Variants in ROBO1 observed in about 807,000 individuals in gnomAD.
ROBO1 encodes roundabout guidance receptor 1.
In ROBO1, 149 loss-of-function variants were observed where a neutral mutation model predicts 195.9. The observed-to-expected ratio is 0.76, with a 90% confidence interval of 0.67 to 0.87. The LOEUF (loss-of-function observed/expected upper bound fraction) is 0.87, where lower values mean the gene tolerates loss of function less well. ROBO1 is among the 40% of genes least tolerant of loss of function. ROBO1 has a pLI of 0.00. For missense variants in ROBO1, 1,933 were observed against 2,068.3 expected (o/e 0.93, Z 1.27); for synonymous variants, 816 against 733.2 (o/e 1.11, Z -1.82).
intron 4 of ROBO1, among the ~76,000 whole-genome samples, chr3:78,781,513 G>A (rs1490013639): frequency 3.9e-5 from 6 of 152,090 alleles, no homozygotes; most frequent in Non-Finnish European, 5.9e-5. Context: ...GTGCTCAGGG[G>A]TTAAAATCAT....
At chr3:78,968,279 T>TC (rs1425338809) in intron 3 of ROBO1, among the ~76,000 whole-genome samples, 2 of 150,598 alleles carry the variant, frequency 1.3e-5, no homozygotes, top group Admixed American at 1.3e-4. Context: ...TTCTTTTTTT[T>TC]TTTTTTTTTT....
intron 2 of ROBO1, among the ~76,000 whole-genome samples, chr3:79,361,467 CT>C (rs2035767424): frequency 6.6e-6 from 1 of 151,900 alleles, no homozygotes; most frequent in South Asian, 2.1e-4. Context: ...CATTAAACAA[CT>C]TAATATTTTA....
chr3:78,860,992 T>C (rs1003063990), intron 4 of ROBO1, among the ~76,000 whole-genome samples: 4 of 152,176 alleles, frequency 2.6e-5, no homozygotes, highest in African/African-American at 9.6e-5. Context: ...AGGCTTCTTG[T>C]TCTTAACTTT....
In ROBO1 at chr3:79,173,665, C is replaced by G. The variant is rs181193042; in HGVS notation, c.89-48126G>C. 2.6e-5 allele frequency among the ~76,000 whole-genome samples: 4 copies of G among 152,238 alleles called. No individual in the cohort carries two copies. The East Asian group carries it at 7.8e-4, about 30-fold the overall frequency. On this transcript the variant is annotated intron_variant, in intron 2 of 30. Transcript: ENST00000464233. ...CGGATGAGCACGGCCCCCTGCTCCA[C>G]GGTGCCCAGTCCCACCGACCACCCA...
intron 2 of ROBO1, among the ~76,000 whole-genome samples, chr3:79,485,565 AT>A (rs1306709983): frequency 6.6e-6 from 1 of 152,056 alleles, no homozygotes; most frequent in Admixed American, 6.6e-5. Flanking sequence ...CATATCTGTC[AT>A]TTTTTTGTTA....
intron 1 of ROBO1, among the ~76,000 whole-genome samples, chr3:79,742,635 A>T (rs897285970): frequency 3.3e-5 from 5 of 152,058 alleles, no homozygotes; most frequent in Non-Finnish European, 4.4e-5. Context: ...TGCAGTACTG[A>T]GTCAATTAAG....
At chr3:79,032,348 A>G (rs1009756487) in intron 3 of ROBO1, among the ~76,000 whole-genome samples, 1 of 152,022 alleles carries the variant, frequency 6.6e-6, no homozygotes, top group Non-Finnish European at 1.5e-5. Context: ...TAAATCCCAC[A>G]TAGTTTTTGA....
intron 2 of ROBO1, among the ~76,000 whole-genome samples, chr3:79,331,868 C>T (rs2034452410): frequency 1.3e-5 from 2 of 152,100 alleles, no homozygotes; most frequent in South Asian, 2.1e-4. Context: ...TTAGGTCGGG[C>T]GCGGTGGCTC....
At position 79,162,257 on chromosome 3, in the gene ROBO1, G is replaced by A. The variant is rs1040042090; in HGVS notation, c.89-36718C>T. 2.0e-5 allele frequency among the ~76,000 whole-genome samples: 3 copies of A among 152,142 alleles called. No individual in the cohort carries two copies. The East Asian group carries it at 5.8e-4, about 30-fold the overall frequency. ...AGTAAAAATGTATTTCACTAGGTCAGAGAAAATCTCTGAATAGCTTAGAAG... is the reference window on the plus strand; with the variant it reads ...AGTAAAAATGTATTTCACTAGGTCAAAGAAAATCTCTGAATAGCTTAGAAG... On this transcript the variant is annotated intron_variant, in intron 2 of 30. Coordinates refer to ENST00000464233, the MANE Select transcript of ROBO1 (RefSeq NM_002941.4).
At chr3:79,562,517 T>C (rs1258365127) in intron 2 of ROBO1, among the ~76,000 whole-genome samples, 1 of 152,058 alleles carries the variant, frequency 6.6e-6, no homozygotes, top group African/African-American at 2.4e-5. Context: ...AAAGATAGTA[T>C]GACTTTATTG....
intron 4 of ROBO1, among the ~76,000 whole-genome samples, chr3:78,868,902 A>C (rs2035357505): frequency 6.6e-6 from 1 of 152,352 alleles, no homozygotes; most frequent in Non-Finnish European, 1.5e-5. Flanking sequence ...AGAAGTGTAG[A>C]TAGAACAAGA....
rs561589098 is a variant in ROBO1, at chr3:78,740,153, T to TATC, written c.657+6587_657+6589dup. ...AAGTGCTATAATAAGTGCTTACTATTATCATCATCATCATCATCTCCTTCT... is the reference window on the plus strand; with the variant it reads ...AAGTGCTATAATAAGTGCTTACTATTATCATCATCATCATCATCATCTCCTTCT... On this transcript the variant is annotated intron_variant, in intron 5 of 30. Transcript: ENST00000464233. Among the ~76,000 whole-genome samples the TATC allele has an allele frequency of 5.5e-3, 835 of 152,092 alleles. 4 individuals are homozygous for TATC. Among genetic ancestry groups the TATC allele is most frequent in the African/African-American group, 0.019 (795 of 41,490 alleles).
intron 22 of ROBO1, among the ~76,000 whole-genome samples, chr3:78,636,746 C>A (rs936545284): frequency 2.6e-5 from 4 of 151,098 alleles, no homozygotes; most frequent in Non-Finnish European, 5.9e-5. Flanking sequence ...TTCATAATGA[C>A]AACCAAAGAA....
intron 4 of ROBO1, among the ~76,000 whole-genome samples, chr3:78,897,502 TAA>T (rs894683402): frequency 6.6e-6 from 1 of 152,192 alleles, no homozygotes; most frequent in Admixed American, 6.5e-5. Flanking sequence ...TACAGAACTT[TAA>T]AAAACAGTTA....
intron 2 of ROBO1, among the ~76,000 whole-genome samples, chr3:79,151,508 C>T (rs1446307313): frequency 1.4e-5 from 2 of 147,184 alleles, no homozygotes. Context: ...CAATAGCCCT[C>T]TAACCAGCCT....
chr3:79,411,919 A>G (rs1376898602), intron 2 of ROBO1, among the ~76,000 whole-genome samples: 1 of 152,154 alleles, frequency 6.6e-6, no homozygotes, highest in Non-Finnish European at 1.5e-5. Context: ...CTGGTTACTC[A>G]CGATTCTTTT....
At chr3:79,248,374 CAAAAAAAAA>C (rs10559171) in intron 2 of ROBO1, among the ~76,000 whole-genome samples, 3 of 36,206 alleles carry the variant, frequency 8.3e-5, no homozygotes, top group African/African-American at 2.0e-4. Flanking sequence ...GAAGACAGAC[CAAAAAAAAA>C]AAAAAAAAAA....
intron 2 of ROBO1, among the ~76,000 whole-genome samples, chr3:79,239,448 T>C (rs2082472278): frequency 6.6e-6 from 1 of 152,230 alleles, no homozygotes; most frequent in South Asian, 2.1e-4. Context: ...AAGACTTAAT[T>C]GAATACTTTT....
chr3:78,793,154 A>G (rs991986766), intron 4 of ROBO1, among the ~76,000 whole-genome samples: 1 of 151,848 alleles, frequency 6.6e-6, no homozygotes, highest in Admixed American at 6.6e-5. Context: ...AAAAAGAAAG[A>G]AAGAAAGAGA....
Sources: gnomAD v4.1 joint callset for allele counts (sites outside exome capture counted in the v4.1 genomes callset) on GRCh38, gnomAD v4.1.1 for gene constraint, MANE v1.5 for transcripts, NCBI Gene and HGNC (gene_info 2026-07-23, HGNC 2026-07-21) for gene names.